KLF12: variants seen among roughly 807,000 people sequenced by gnomAD.
The protein encoded by KLF12 is Krueppel-like factor 12.
A neutral mutation model predicts 37.8 loss-of-function variants in KLF12; 9 were observed. The ratio of observed to expected loss-of-function variants is 0.24; its 90% CI spans 0.14 to 0.42. The LOEUF (loss-of-function observed/expected upper bound fraction) is 0.42, where lower values mean the gene tolerates loss of function less well. KLF12 is among the 10% of genes least tolerant of loss of function. The pLI, the probability that KLF12 is intolerant of heterozygous loss-of-function variation, is 1.00. For missense variants in KLF12, 411 were observed against 516.0 expected (o/e 0.80, Z 1.97); for synonymous variants, 208 against 202.1 (o/e 1.03, Z -0.25).
At chr13:74,098,422 T>A (rs990096844) in intron 1 of KLF12, among the ~76,000 whole-genome samples, 6 of 152,246 alleles carry the variant, frequency 3.9e-5, no homozygotes, top group Non-Finnish European at 5.9e-5. Flanking sequence ...AGACTTTTGG[T>A]ACAGATTTTG....
At chr13:74,033,970 C>T (rs879288995) in intron 1 of KLF12, among the ~76,000 whole-genome samples, 35 of 149,294 alleles carry the variant, frequency 2.3e-4, no homozygotes, top group South Asian at 8.4e-4. Flanking sequence ...AAAAAAAAGG[C>T]ACTGTTTTAA....
intron 3 of KLF12, among the ~76,000 whole-genome samples, chr13:73,852,898 C>A (rs1452668623): frequency 2.1e-5 from 3 of 141,758 alleles, no homozygotes; most frequent in African/African-American, 8.0e-5. Context: ...GAGACGGAGT[C>A]TTGGTCTGTC....
At position 73,846,043 on chromosome 13, in the gene KLF12, C is replaced by G. The variant is rs751399618; in HGVS notation, c.454G>C (p.Ala152Pro). 19 of 1,613,826 alleles carry G rather than the reference C, an allele frequency of 1.2e-5. 1 individual carries two copies. The South Asian group carries it at 2.1e-4, about 18-fold the overall frequency. The change falls in exon 4 of 8, where the codon GCA becomes CCA. Residue 152 changes from alanine (A) to proline (P), a missense_variant. Ala to Pro is a conservative substitution (Grantham distance 27). Transcript: ENST00000377669. ...AACTGCTGGCCTCCAACACCAGATG[C>G]AGAGGCCACAAGGGGCCCTGGAGTT... is the stretch of plus-strand genomic sequence containing the variant.
At chr13:74,274,720 A>T in the KLF12 span, among the ~76,000 whole-genome samples, 1 of 149,780 alleles carries the variant, frequency 6.7e-6, no homozygotes, top group African/African-American at 2.5e-5. Context: ...AATATTTTTC[A>T]TGCATGTTGG....
intron 1 of KLF12, among the ~76,000 whole-genome samples, chr13:74,101,046 T>C (rs1876313960): frequency 6.6e-6 from 1 of 152,170 alleles, no homozygotes; most frequent in Non-Finnish European, 1.5e-5. Flanking sequence ...TTTTCATCTA[T>C]TCTGAGTGCT....
chr13:74,097,581 C>T (rs763030188), intron 1 of KLF12, among the ~76,000 whole-genome samples: 2 of 152,148 alleles, frequency 1.3e-5, no homozygotes, highest in Non-Finnish European at 2.9e-5. Context: ...TGCTGAGATT[C>T]ACTGTTTTAC....
chr13:74,262,752 C>A, the KLF12 span, among the ~76,000 whole-genome samples: 1 of 152,084 alleles, frequency 6.6e-6, no homozygotes, highest in African/African-American at 2.4e-5. Context: ...AGAAGACTTG[C>A]ATGATCCCGA....
chr13:73,987,376 GC>G (rs1210544724), intron 2 of KLF12, among the ~76,000 whole-genome samples: 4 of 151,998 alleles, frequency 2.6e-5, no homozygotes, highest in Non-Finnish European at 5.9e-5. Flanking sequence ...TTACTATGCT[GC>G]TTTAACACTA....
At chr13:74,133,036 C>G (rs1412198611) in intron 1 of KLF12, among the ~76,000 whole-genome samples, 1 of 152,198 alleles carries the variant, frequency 6.6e-6, no homozygotes, top group Non-Finnish European at 1.5e-5. Flanking sequence ...TGCCCCTTGT[C>G]AACTCCGGCC....
At chr13:74,223,379 T>A in the KLF12 span, among the ~76,000 whole-genome samples, 2 of 152,312 alleles carry the variant, frequency 1.3e-5, no homozygotes, top group African/African-American at 4.8e-5. Context: ...CATCTATTGT[T>A]TTTAGACTTC....
At chr13:73,731,224 G>A (rs1240695205) in intron 6 of KLF12, among the ~76,000 whole-genome samples, 1 of 152,146 alleles carries the variant, frequency 6.6e-6, no homozygotes, top group East Asian at 1.9e-4. Flanking sequence ...GAGCATGGAT[G>A]GCCAGGATAA....
chr13:73,724,801 G>C lies in KLF12; in HGVS notation c.870-9276C>G, dbSNP rs2044968776. ...AAGCTCACACAGCTAAACAGGGGCA[G>C]TTAGAGCTAAACAGTGGGTTTCTTG... On this transcript the variant is annotated intron_variant, in intron 6 of 7. Transcript: ENST00000377669. Among the ~76,000 whole-genome samples, 3 of 152,312 alleles carry C rather than the reference G, an allele frequency of 2.0e-5. No individual in the cohort carries two copies. In the South Asian group the frequency reaches 6.2e-4, roughly 32 times the overall value.
the KLF12 span, among the ~76,000 whole-genome samples, chr13:74,300,540 G>A: frequency 1.3e-5 from 2 of 152,062 alleles, no homozygotes; most frequent in Non-Finnish European, 2.9e-5. Flanking sequence ...CTGTCTCTGG[G>A]CTGGTTTCAT....
intron 3 of KLF12, among the ~76,000 whole-genome samples, chr13:73,885,071 T>C (rs1003225535): frequency 9.2e-5 from 14 of 152,242 alleles, no homozygotes; most frequent in African/African-American, 3.4e-4. Context: ...CTCTAATTAC[T>C]TTCCTAGGTA....
At chr13:73,839,462 TA>T (rs930221981) in intron 4 of KLF12, among the ~76,000 whole-genome samples, 1 of 152,030 alleles carries the variant, frequency 6.6e-6, no homozygotes, top group African/African-American at 2.4e-5. Context: ...TGTTTAAATG[TA>T]AAAAAATGCC....
chr13:73,691,503 A>C lies in KLF12; in HGVS notation c.*3987T>G, dbSNP rs2137524320. ...GGGCCTATTATGATTCATAAGAGTT[A>C]CCTCACATTCAGTCCCTTATACGCA... On this transcript the variant is annotated 3_prime_UTR_variant, in exon 8 of 8. Transcript: ENST00000377669. 6.5e-6 allele frequency: 1 copy of C among 152,784 alleles called. No individual in the cohort carries two copies. The highest frequency in any genetic ancestry group is 2.1e-4 in the South Asian group (1 of 4,832). The allele number at this position is 152,784 out of a possible 1,614,324, so 9.5% of individuals were successfully genotyped here.
At chr13:73,980,621 T>C (rs1891667031) in intron 2 of KLF12, among the ~76,000 whole-genome samples, 1 of 152,200 alleles carries the variant, frequency 6.6e-6, no homozygotes, top group Non-Finnish European at 1.5e-5. Context: ...CCTGAATATC[T>C]ACCCCATCAT....
the KLF12 span, among the ~76,000 whole-genome samples, chr13:74,155,054 C>T: frequency 4.1e-4 from 63 of 152,268 alleles, no homozygotes; most frequent in African/African-American, 9.4e-4. Flanking sequence ...CTTCTTTCCC[C>T]GCTGACTATC....
At chr13:73,719,139 C>T (rs1876035026) in intron 6 of KLF12, among the ~76,000 whole-genome samples, 1 of 152,098 alleles carries the variant, frequency 6.6e-6, no homozygotes, top group African/African-American at 2.4e-5. Context: ...CTGATTTGAT[C>T]TTTTTGTGGA....
Sources: allele counts gnomAD v4.1 joint callset (sites outside exome capture counted in the v4.1 genomes callset), GRCh38; gene constraint gnomAD v4.1.1; transcripts MANE v1.5; gene names NCBI Gene and HGNC (gene_info 2026-07-23, HGNC 2026-07-21).